The following FHIT variants were observed in gnomAD, a reference collection of about 807,000 sequenced individuals.
The protein encoded by FHIT is bis(5'-adenosyl)-triphosphatase.
Under a neutral mutation model 17.9 loss-of-function variants are expected in FHIT, and 19 were observed. The observed-to-expected ratio is 1.06, with a 90% CI of 0.74 to 1.56. The LOEUF (loss-of-function observed/expected upper bound fraction) is 1.56, where lower values mean the gene tolerates loss of function less well. Among genes scored for constraint, FHIT ranks in the 40% most tolerant of loss-of-function variants. The pLI, the probability that FHIT is intolerant of heterozygous loss-of-function variation, is 0.00. For synonymous variants in FHIT, 81 were observed against 69.7 expected, an observed-to-expected ratio of 1.16 and a Z score of -0.81; for missense variants, 248 against 189.2, an observed-to-expected ratio of 1.31 and a Z score of -1.82.
At chr3:59,794,140 T>A (rs1699681330) in intron 8 of FHIT, among the ~76,000 whole-genome samples, 2 of 152,162 alleles carry the variant, frequency 1.3e-5, no homozygotes, top group African/African-American at 4.8e-5. Context: ...ACATCAGACA[T>A]GGTTTTTAGA....
At chr3:60,757,531 A>C (rs986028504) in intron 4 of FHIT, among the ~76,000 whole-genome samples, 2 of 152,222 alleles carry the variant, frequency 1.3e-5, no homozygotes, top group African/African-American at 4.8e-5. Context: ...TCGAGGGTTG[A>C]AGAAAGGGTG....
chr3:60,278,653 A>T (rs213359), intron 5 of FHIT, among the ~76,000 whole-genome samples: 1 of 151,664 alleles, frequency 6.6e-6, no homozygotes, highest in Non-Finnish European at 1.5e-5. Context: ...AAGCATCTGG[A>T]ACTTAAAGCT....
At chr3:60,085,275 A>G (rs1703447968) in intron 5 of FHIT, among the ~76,000 whole-genome samples, 1 of 152,142 alleles carries the variant, frequency 6.6e-6, no homozygotes, top group Non-Finnish European at 1.5e-5. Flanking sequence ...GATTACCAAG[A>G]GCAGATCATT....
chr3:60,792,844 T>C (rs1268587033), intron 4 of FHIT, among the ~76,000 whole-genome samples: 1 of 151,880 alleles, frequency 6.6e-6, no homozygotes, highest in Non-Finnish European at 1.5e-5. Flanking sequence ...TTTTTTTTTT[T>C]TTTTACTGAG....
rs1372880970 is a variant in FHIT, at chr3:60,173,921, T to G, written c.104-159769A>C. Among the ~76,000 whole-genome samples, 5 of 50,624 alleles carry G rather than the reference T, an allele frequency of 9.9e-5. 1 individual carries two copies. Among genetic ancestry groups the G allele is most frequent in the Admixed American group, 2.5e-4 (1 of 3,984 alleles). 33.2% of individuals were successfully genotyped at this position (50,624 alleles called of 152,430 possible). On this transcript the variant is annotated intron_variant, in intron 5 of 9. Coordinates refer to ENST00000492590, the MANE Select transcript of FHIT (RefSeq NM_002012.4). Reference sequence around the variant, plus strand: ...TATATATATATATATATATATGTTTTTTTTTTTTTTTGAGATCGAGTCTCA... The same window carrying G: ...TATATATATATATATATATATGTTTGTTTTTTTTTTTGAGATCGAGTCTCA...
At chr3:60,589,695 G>T (rs2038019562) in intron 4 of FHIT, among the ~76,000 whole-genome samples, 1 of 152,010 alleles carries the variant, frequency 6.6e-6, no homozygotes, top group Non-Finnish European at 1.5e-5. Flanking sequence ...TCCCTCCCAG[G>T]AAGTTGTAGC....
At chr3:60,256,837 C>T (rs1037964580) in intron 5 of FHIT, among the ~76,000 whole-genome samples, 6 of 152,168 alleles carry the variant, frequency 3.9e-5, no homozygotes, top group Non-Finnish European at 7.3e-5. Flanking sequence ...TTTCCACACT[C>T]TATGATCTTA....
At chr3:61,175,544 A>C (rs1359454462) in intron 2 of FHIT, among the ~76,000 whole-genome samples, 3 of 152,146 alleles carry the variant, frequency 2.0e-5, no homozygotes, top group Non-Finnish European at 4.4e-5. Context: ...TTAATAATTA[A>C]TTAAATTGTT....
intron 7 of FHIT, among the ~76,000 whole-genome samples, chr3:59,938,413 T>G (rs1292729888): frequency 6.6e-6 from 1 of 152,034 alleles, no homozygotes; most frequent in Non-Finnish European, 1.5e-5. Context: ...GAGGGCAGAA[T>G]GGGGAGATAC....
chr3:60,243,179 T>A (rs1266953751), intron 5 of FHIT, among the ~76,000 whole-genome samples: 2 of 152,082 alleles, frequency 1.3e-5, no homozygotes, highest in African/African-American at 4.8e-5. Flanking sequence ...CAGGGTTACC[T>A]CTAAGCAGCT....
intron 2 of FHIT, among the ~76,000 whole-genome samples, chr3:61,121,649 A>G (rs2036459977): frequency 6.6e-6 from 1 of 152,236 alleles, no homozygotes; most frequent in Non-Finnish European, 1.5e-5. Flanking sequence ...ACCAAATTGT[A>G]AAGACCATTG....
chr3:60,502,734 T>C (rs1292208673), intron 5 of FHIT, among the ~76,000 whole-genome samples: 1 of 152,220 alleles, frequency 6.6e-6, no homozygotes, highest in Non-Finnish European at 1.5e-5. Context: ...TCATGAGGGC[T>C]GACGACAACA....
chr3:61,157,894 T>C (rs970206682), intron 2 of FHIT, among the ~76,000 whole-genome samples: 9 of 152,180 alleles, frequency 5.9e-5, no homozygotes, highest in African/African-American at 2.2e-4. Flanking sequence ...GGTTACCTCT[T>C]ACGAAGAGGT....
chr3:61,221,158 T>C (rs2039826023), intron 1 of FHIT, among the ~76,000 whole-genome samples: 1 of 152,130 alleles, frequency 6.6e-6, no homozygotes, highest in Non-Finnish European at 1.5e-5. Flanking sequence ...AAGCAGTAAA[T>C]TGTGCCACCC....
intron 8 of FHIT, among the ~76,000 whole-genome samples, chr3:59,824,782 TC>T (rs1700918370): frequency 6.6e-6 from 1 of 152,210 alleles, no homozygotes; most frequent in Non-Finnish European, 1.5e-5. Context: ...AGTTTAAATG[TC>T]CAATACTGGT....
At chr3:60,891,169 A>G (rs182039439) in intron 3 of FHIT, among the ~76,000 whole-genome samples, 2 of 152,328 alleles carry the variant, frequency 1.3e-5, no homozygotes, top group African/African-American at 4.8e-5. Flanking sequence ...TCCTGGCTTG[A>G]CAGGCTACTG....
intron 5 of FHIT, among the ~76,000 whole-genome samples, chr3:60,209,930 G>C (rs1703371575): frequency 6.6e-6 from 1 of 152,082 alleles, no homozygotes; most frequent in Non-Finnish European, 1.5e-5. Flanking sequence ...AACAGGGCCT[G>C]TTGGGGGTGG....
chr3:59,994,955 T>C (rs146119578), intron 7 of FHIT, among the ~76,000 whole-genome samples: 27 of 152,142 alleles, frequency 1.8e-4, no homozygotes, highest in African/African-American at 6.3e-4. Context: ...AATGTTCTTG[T>C]GGGTCAGTAT....
At chr3:60,626,056 T>C (rs1368353843) in intron 4 of FHIT, among the ~76,000 whole-genome samples, 1 of 152,226 alleles carries the variant, frequency 6.6e-6, no homozygotes, top group Admixed American at 6.5e-5. Context: ...AATGTGAGTT[T>C]ATTTCTGGAA....
Sources: gnomAD v4.1 joint callset for allele counts (sites outside exome capture counted in the v4.1 genomes callset) on GRCh38, gnomAD v4.1.1 for gene constraint, MANE v1.5 for transcripts, NCBI Gene and HGNC (gene_info 2026-07-23, HGNC 2026-07-21) for gene names.